Variants in CCDC66 observed in about 807,000 individuals in gnomAD.
CCDC66 encodes the protein coiled-coil domain containing 66, also known as coiled-coil domain-containing protein 66.
CCDC66 carries 133 observed loss-of-function variants against 128.3 expected under a neutral mutation model. The observed-to-expected ratio is 1.04, with a 90% CI of 0.90 to 1.20. The LOEUF (loss-of-function observed/expected upper bound fraction) is 1.20, where lower values mean the gene tolerates loss of function less well. Ranked by LOEUF, CCDC66 falls within the 50% of genes most tolerant of loss-of-function variation. The probability of loss-of-function intolerance (pLI) is 0.00; values close to 1 mark genes in which losing one functional copy is unlikely to be tolerated. For synonymous variants in CCDC66, 387 were observed against 357.0 expected, an observed-to-expected ratio of 1.08 and a Z score of -0.95; for missense variants, 1,126 against 1,075.5, an observed-to-expected ratio of 1.05 and a Z score of -0.66.
chr3:56,568,924 G>A (rs1412418591), intron 6 of CCDC66, among the ~76,000 whole-genome samples: 5 of 152,214 alleles, frequency 3.3e-5, no homozygotes, highest in East Asian at 1.9e-4. Flanking sequence ...AACATGTGAC[G>A]TAACAGTTGT....
intron 7 of CCDC66, among the ~76,000 whole-genome samples, chr3:56,592,128 C>T (rs973723512): frequency 6.6e-6 from 1 of 152,048 alleles, no homozygotes; most frequent in African/African-American, 2.4e-5. Flanking sequence ...GTTATTGAAA[C>T]ATCATAGGCT....
At chr3:56,562,669 G>A (rs1044882516) in intron 3 of CCDC66, among the ~76,000 whole-genome samples, 3 of 151,602 alleles carry the variant, frequency 2.0e-5, no homozygotes, top group African/African-American at 4.8e-5. Context: ...ATGAAGTTTC[G>A]TTGTTGTTGC....
intron 3 of CCDC66, chr3:56,560,783 T>C: frequency 2.4e-6 from 1 of 420,304 alleles, no homozygotes; most frequent in Non-Finnish European, 4.6e-6. Context: ...ACCTATTTCT[T>C]TTTTAATTTT....
At position 56,576,758 on chromosome 3, in the gene CCDC66, G is replaced by A. The variant is rs184508638; in HGVS notation, c.936+5456G>A. 8.8e-4 allele frequency among the ~76,000 whole-genome samples: 134 copies of A among 151,716 alleles called. No homozygotes were observed. In the South Asian group the frequency reaches 0.017, roughly 20 times the overall value. ...AACTCATCTTTTTTATGGCTGCAGA[G>A]TATTGCATGGTGTATATGTGCATAG... is the stretch of plus-strand genomic sequence containing the variant. On this transcript the variant is annotated intron_variant, in intron 7 of 17. Coordinates refer to ENST00000394672, the MANE Select transcript of CCDC66 (RefSeq NM_001141947.3).
At chr3:56,558,982 AC>A in intron 2 of CCDC66, 72 bp downstream of exon 2, 2 of 1,107,318 alleles carry the variant, frequency 1.8e-6, no homozygotes, top group South Asian at 1.5e-5. Flanking sequence ...AGTTCAACAG[AC>A]TTTTTGCTTG....
At chr3:56,604,845 A>G (rs148202627) in intron 10 of CCDC66, among the ~76,000 whole-genome samples, 16,769 of 152,008 alleles carry the variant, frequency 0.11, 1,313 homozygotes, top group East Asian at 0.35. Context: ...GTTCTCCTGG[A>G]TAATATCCTG....
chr3:56,617,728 A>G (rs1343261287), intron 14 of CCDC66, 123 bp downstream of exon 14: 4 of 1,223,016 alleles, frequency 3.3e-6, no homozygotes, highest in Non-Finnish European at 4.5e-6. Flanking sequence ...TCAGCAAACT[A>G]TATCCCATGG....
At chr3:56,563,605 AT>A in intron 3 of CCDC66, 78 bp from the exon 4 acceptor site, 1 of 1,192,184 alleles carries the variant, frequency 8.4e-7, no homozygotes, top group Non-Finnish European at 1.2e-6. Context: ...TAGAGGACTG[AT>A]TTATCACAGA....
At chr3:56,597,835 C>T (rs1280172794) in intron 10 of CCDC66, among the ~76,000 whole-genome samples, 3 of 127,484 alleles carry the variant, frequency 2.4e-5, no homozygotes, top group African/African-American at 5.9e-5. Flanking sequence ...AGTGCAGTGG[C>T]GCGATCTCAT....
intron 7 of CCDC66, chr3:56,572,223 T>C (rs1168574475): frequency 4.1e-6 from 2 of 485,994 alleles, no homozygotes; most frequent in African/African-American, 2.0e-5. Context: ...AATATACACA[T>C]ATGCCAAGTG....
rs1254209868 is a variant in CCDC66 at position 56,621,707 on chromosome 3, T to C, written c.*89T>C. 3.6e-6 allele frequency: 3 copies of C among 841,202 alleles called. No individual in the cohort carries two copies. Among genetic ancestry groups the C allele is most frequent in the African/African-American group, 1.7e-5 (1 of 58,702 alleles). The allele number at this position is 841,202 out of a possible 1,614,324, so 52.1% of individuals were successfully genotyped here. A position where few individuals can be genotyped will look rare whatever the true frequency, so the allele number is the denominator to read the frequency against. On this transcript the variant is annotated 3_prime_UTR_variant, in exon 18 of 18. Coordinates refer to ENST00000394672, the MANE Select transcript of CCDC66 (RefSeq NM_001141947.3). ...GCTCAACTGTATTTTTCAAATAGCCTAGATTTACTTATTTTTTTAAATGCT... is the reference window on the plus strand; with the variant it reads ...GCTCAACTGTATTTTTCAAATAGCCCAGATTTACTTATTTTTTTAAATGCT...
intron 17 of CCDC66, chr3:56,620,738 A>ATT (rs2076364386): frequency 1.3e-5 from 2 of 152,222 alleles, no homozygotes; most frequent in Non-Finnish European, 2.9e-5. Flanking sequence ...GGAGACAAAA[A>ATT]TTGTGAGATA....
At position 56,617,464 on chromosome 3, in the gene CCDC66, A is replaced by T. The variant is rs756103943; in HGVS notation, c.2196A>T (p.Val732=). Residue 732 remains valine (V), a synonymous_variant, in exon 14 of 18, where the codon GTA becomes GTT. Transcript: ENST00000394672. ...QLQKQREEKK[V]RRQMELLHLV... is the part of the protein sequence containing the mutation. Reference sequence around the variant, plus strand: ...AAAAGCAGAGAGAAGAAAAAAAAGTAAGGAGGCAGATGGAATTGCTTCATT... The same window carrying T: ...AAAAGCAGAGAGAAGAAAAAAAAGTTAGGAGGCAGATGGAATTGCTTCATT... The T allele has an allele frequency of 3.7e-6, 6 of 1,614,078 alleles. No individual in the cohort carries two copies. The highest frequency in any genetic ancestry group is 1.7e-5 in the Admixed American group (1 of 60,016).
intron 6 of CCDC66, chr3:56,570,092 T>A (rs2066427487): frequency 6.6e-6 from 1 of 152,228 alleles, no homozygotes; most frequent in Admixed American, 6.5e-5. Context: ...TGCCTTGGCC[T>A]CCCGAAGTGC....
chr3:56,594,999 A>T (rs9853548), intron 10 of CCDC66, among the ~76,000 whole-genome samples: 1,996 of 152,218 alleles, frequency 0.013, 38 homozygotes, highest in African/African-American at 0.044. Context: ...CAAATGGGAG[A>T]TGGGAGAAAT....
intron 7 of CCDC66, among the ~76,000 whole-genome samples, chr3:56,592,645 A>G (rs2071128319): frequency 6.6e-6 from 1 of 151,922 alleles, no homozygotes; most frequent in Non-Finnish European, 1.5e-5. Flanking sequence ...GATTATAGTC[A>G]TGAGCTGCTG....
chr3:56,619,522 C>A lies in CCDC66; in HGVS notation c.2630C>A (p.Ser877Ter), dbSNP rs770113701. Reference sequence around the variant, plus strand: ...ACCCAGGACCCTCAGTACCAAAATTCACAAGGTAAGTAAATATTAAGCATT... The same window carrying A: ...ACCCAGGACCCTCAGTACCAAAATTAACAAGGTAAGTAAATATTAAGCATT... ...PSTQDPQYQN[S>*]QDCGQKRQLF... The change falls in exon 16 of 18, where the codon TCA (serine) becomes TAA (stop). Residue 877 changes from serine (S) to a stop codon, truncating the protein, a stop_gained. Coordinates refer to ENST00000394672, the MANE Select transcript of CCDC66 (RefSeq NM_001141947.3). LOFTEE classifies it high-confidence loss of function. 1 of 1,604,892 alleles carries A rather than the reference C, an allele frequency of 6.2e-7. No individual in the cohort carries two copies. Among genetic ancestry groups the A allele is most frequent in the South Asian group, 1.1e-5 (1 of 88,950 alleles).
chr3:56,598,259 G>A (rs2072490407), intron 10 of CCDC66, among the ~76,000 whole-genome samples: 2 of 151,980 alleles, frequency 1.3e-5, no homozygotes, highest in Admixed American at 1.3e-4. Flanking sequence ...CTGGGTTCAA[G>A]CAATTCCCAT....
intron 10 of CCDC66, among the ~76,000 whole-genome samples, chr3:56,601,315 C>G (rs1173466233): frequency 6.6e-6 from 1 of 152,008 alleles, no homozygotes; most frequent in East Asian, 1.9e-4. Context: ...GGCCTCTCTT[C>G]TGTTCTATTC....
Sources: gnomAD v4.1 joint callset for allele counts (sites outside exome capture counted in the v4.1 genomes callset) on GRCh38, gnomAD v4.1.1 for gene constraint, MANE v1.5 for transcripts, NCBI Gene and HGNC (gene_info 2026-07-23, HGNC 2026-07-21) for gene names.